SLX4IP: variants seen among roughly 807,000 people sequenced by gnomAD.
SLX4IP encodes protein SLX4IP.
In SLX4IP, 34 loss-of-function variants were observed where a neutral mutation model predicts 32.9. That is an observed-to-expected ratio of 1.03 (90% CI 0.79 to 1.38). The LOEUF is 1.38. SLX4IP is among the 40% of genes most tolerant of loss of function. The pLI is 0.00. For synonymous variants in SLX4IP, 172 were observed against 171.7 expected (o/e 1.00, Z -0.01); for missense variants, 444 against 479.0 (o/e 0.93, Z 0.68).
At chr20:10,489,529 A>T (rs141550366) in intron 2 of SLX4IP, among the ~76,000 whole-genome samples, 1 of 152,234 alleles carries the variant, frequency 6.6e-6, no homozygotes, top group East Asian at 1.9e-4. Context: ...TTAAAACAAG[A>T]TGTATGAAAT....
chr20:10,521,082 G>A (rs2065898053), intron 2 of SLX4IP, among the ~76,000 whole-genome samples: 1 of 152,162 alleles, frequency 6.6e-6, no homozygotes, highest in Admixed American at 6.5e-5. Context: ...AGTATTTACT[G>A]CAGAGCCAGG....
intron 6 of SLX4IP, chr20:10,614,026 CT>C: frequency 2.8e-6 from 4 of 1,410,584 alleles, no homozygotes; most frequent in Non-Finnish European, 4.0e-6. Context: ...ATGGAATAGA[CT>C]TTTTCCAGGA....
chr20:10,473,246 T>G (rs537773579), intron 2 of SLX4IP, among the ~76,000 whole-genome samples: 3 of 152,298 alleles, frequency 2.0e-5, no homozygotes, highest in South Asian at 4.1e-4. Flanking sequence ...ACAGGCTAAA[T>G]GGTTGAAACC....
chr20:10,523,564 T>C (rs1371186272), intron 2 of SLX4IP, among the ~76,000 whole-genome samples: 1 of 152,266 alleles, frequency 6.6e-6, no homozygotes, highest in African/African-American at 2.4e-5. Context: ...TAAACACTAA[T>C]GACTTTCTAA....
intron 2 of SLX4IP, among the ~76,000 whole-genome samples, chr20:10,493,864 T>TTTG (rs1489409889): frequency 7.2e-6 from 1 of 139,456 alleles, no homozygotes; most frequent in Non-Finnish European, 1.6e-5. Context: ...GTTGCCTTTT[T>TTTG]TTTTTTTTTT....
At chr20:10,580,819 A>G (rs1366058232) in intron 4 of SLX4IP, among the ~76,000 whole-genome samples, 1 of 152,154 alleles carries the variant, frequency 6.6e-6, no homozygotes, top group Non-Finnish European at 1.5e-5. Flanking sequence ...AATCATTTTC[A>G]AGATTAAGAA....
chr20:10,550,760 C>G (rs1315846976), intron 2 of SLX4IP, among the ~76,000 whole-genome samples: 1 of 152,238 alleles, frequency 6.6e-6, no homozygotes. Flanking sequence ...CGAGCTCTTT[C>G]TCTGCATGGG....
intron 3 of SLX4IP, 36 bp downstream of exon 3, chr20:10,556,356 G>A (rs747616663): frequency 1.3e-6 from 2 of 1,545,940 alleles, no homozygotes; most frequent in South Asian, 2.3e-5. Flanking sequence ...ATTGCAAGTA[G>A]CTGCTGCTGC....
intron 1 of SLX4IP, among the ~76,000 whole-genome samples, chr20:10,441,081 A>G (rs2065156413): frequency 6.6e-6 from 1 of 152,124 alleles, no homozygotes; most frequent in African/African-American, 2.4e-5. Flanking sequence ...TTTTACAAGA[A>G]CCTAAGGACA....
chr20:10,576,845 A>G (rs903212127), intron 4 of SLX4IP, among the ~76,000 whole-genome samples: 4 of 152,206 alleles, frequency 2.6e-5, no homozygotes, highest in Non-Finnish European at 5.9e-5. Context: ...TTTCCTTACA[A>G]ATATTTTCAG....
intron 1 of SLX4IP, among the ~76,000 whole-genome samples, chr20:10,447,026 G>A (rs938012863): frequency 6.6e-6 from 1 of 152,062 alleles, no homozygotes; most frequent in Admixed American, 6.6e-5. Flanking sequence ...CCTCTGAAAG[G>A]TTTTAGTTTC....
chr20:10,470,855 GATC>G (rs2065419171), intron 2 of SLX4IP, among the ~76,000 whole-genome samples: 1 of 152,142 alleles, frequency 6.6e-6, no homozygotes, highest in Non-Finnish European at 1.5e-5. Flanking sequence ...TTGAAATTTA[GATC>G]ATCAAGTCTT....
intron 3 of SLX4IP, among the ~76,000 whole-genome samples, chr20:10,557,328 A>G (rs144401156): frequency 2.4e-4 from 36 of 152,358 alleles, no homozygotes; most frequent in Non-Finnish European, 4.7e-4. Flanking sequence ...GGATAATATT[A>G]TCAAGACTTT....
chr20:10,626,963 T>G lies in SLX4IP; in HGVS notation c.*3584T>G, dbSNP rs1369398251. 6.6e-6 allele frequency: 1 copy of G among 152,232 alleles called. No individual in the cohort carries two copies. The highest frequency in any genetic ancestry group is 1.9e-4 in the East Asian group (1 of 5,204). The allele number at this position is 152,232 out of a possible 1,614,324, so 9.4% of individuals were successfully genotyped here. A position where few individuals can be genotyped will look rare whatever the true frequency, so the allele number is the denominator to read the frequency against. On this transcript the variant is annotated 3_prime_UTR_variant, in exon 8 of 8. Transcript: ENST00000334534. The stretch of plus-strand genomic sequence containing the variant: ...GTCATGTTTGGATTTTAGCATGGTT[T>G]GTTATGCATGTCAGTGGCCTCTGAT...
intron 2 of SLX4IP, among the ~76,000 whole-genome samples, chr20:10,469,042 C>A (rs920542742): frequency 6.6e-6 from 1 of 152,014 alleles, no homozygotes; most frequent in Non-Finnish European, 1.5e-5. Flanking sequence ...AAAAAAAAAT[C>A]GCAAAAAAAA....
At chr20:10,509,269 G>T (rs1473002319) in intron 2 of SLX4IP, among the ~76,000 whole-genome samples, 2 of 152,180 alleles carry the variant, frequency 1.3e-5, no homozygotes, top group East Asian at 1.9e-4. Flanking sequence ...CAATTATAAA[G>T]ATAGTGGGGA....
intron 2 of SLX4IP, among the ~76,000 whole-genome samples, chr20:10,533,885 G>T (rs2066013275): frequency 6.6e-6 from 1 of 152,088 alleles, no homozygotes; most frequent in Admixed American, 6.6e-5. Context: ...CTCCCAAAGT[G>T]CTAGGATTAT....
intron 1 of SLX4IP, among the ~76,000 whole-genome samples, chr20:10,443,331 G>C (rs2065173386): frequency 6.6e-6 from 1 of 152,198 alleles, no homozygotes; most frequent in Non-Finnish European, 1.5e-5. Context: ...TATTAAAGAG[G>C]AGATGAATGG....
intron 2 of SLX4IP, among the ~76,000 whole-genome samples, chr20:10,496,292 A>G (rs1249159494): frequency 6.6e-6 from 1 of 152,130 alleles, no homozygotes; most frequent in Non-Finnish European, 1.5e-5. Flanking sequence ...GCAACATTTC[A>G]GGTCTCCTAG....
Sources: gnomAD v4.1 joint callset for allele counts (sites outside exome capture counted in the v4.1 genomes callset) on GRCh38, gnomAD v4.1.1 for gene constraint, MANE v1.5 for transcripts, NCBI Gene and HGNC (gene_info 2026-07-23, HGNC 2026-07-21) for gene names.